CRYL1: variants seen among roughly 807,000 people sequenced by gnomAD.
CRYL1 encodes crystallin lambda 1.
CRYL1 carries 29 observed loss-of-function variants against 36.6 expected under a neutral mutation model. That is an observed-to-expected ratio of 0.79 (90% confidence interval 0.59 to 1.08). The LOEUF is 1.08. Ranked by LOEUF, CRYL1 falls within the 50% of genes least tolerant of loss-of-function variation. The pLI is 0.00. For missense variants in CRYL1, 411 were observed against 407.9 expected (o/e 1.01, Z -0.06); for synonymous variants, 152 against 151.5 (o/e 1.00, Z -0.02).
intron 3 of CRYL1, among the ~76,000 whole-genome samples, chr13:20,444,585 A>C (rs1486438856): frequency 6.6e-6 from 1 of 152,146 alleles, no homozygotes; most frequent in Non-Finnish European, 1.5e-5. Context: ...CGTTTGTGAA[A>C]TCATTTCTTT....
At chr13:20,496,626 C>T (rs1369329625) in intron 2 of CRYL1, among the ~76,000 whole-genome samples, 1 of 151,920 alleles carries the variant, frequency 6.6e-6, no homozygotes, top group Admixed American at 6.6e-5. Flanking sequence ...AAGCATAGAC[C>T]TGTGCCTGGT....
intron 2 of CRYL1, among the ~76,000 whole-genome samples, chr13:20,510,059 T>C (rs2033885636): frequency 6.6e-6 from 1 of 152,210 alleles, no homozygotes; most frequent in Non-Finnish European, 1.5e-5. Context: ...TCATTGTTGG[T>C]GGGAATGCAA....
intron 2 of CRYL1, among the ~76,000 whole-genome samples, chr13:20,508,887 A>AG (rs2033860243): frequency 8.7e-5 from 11 of 127,086 alleles, no homozygotes; most frequent in African/African-American, 3.1e-4. Context: ...AAAAAAAAAA[A>AG]ACTGACAACA....
intron 6 of CRYL1, among the ~76,000 whole-genome samples, chr13:20,410,669 G>C (rs7330723): frequency 0.74 from 113,229 of 152,158 alleles, 42,331 homozygotes; most frequent in Admixed American, 0.83. Flanking sequence ...GTACGTGAAA[G>C]AAACAAGACA....
intron 5 of CRYL1, chr13:20,418,723 G>A (rs1016776402): frequency 1.3e-5 from 2 of 152,074 alleles, no homozygotes; most frequent in Admixed American, 6.5e-5. Flanking sequence ...ACTTGGTCCT[G>A]AATTTTCACA....
chr13:20,515,792 T>C (rs917392188), intron 1 of CRYL1: 3 of 152,138 alleles, frequency 2.0e-5, no homozygotes, highest in African/African-American at 7.2e-5. Flanking sequence ...AATGAGCAGC[T>C]GTTGTTCAAT....
intron 4 of CRYL1, among the ~76,000 whole-genome samples, chr13:20,434,604 C>T (rs1347494486): frequency 2.2e-5 from 3 of 138,250 alleles, no homozygotes; most frequent in South Asian, 2.4e-4. Flanking sequence ...CACCCACACG[C>T]GCCCCCCCAC....
At chr13:20,479,096 TA>T (rs1245757873) in intron 3 of CRYL1, among the ~76,000 whole-genome samples, 1 of 152,098 alleles carries the variant, frequency 6.6e-6, no homozygotes, top group Non-Finnish European at 1.5e-5. Flanking sequence ...ATCTTTCTTT[TA>T]AATAGGGATT....
intron 3 of CRYL1, among the ~76,000 whole-genome samples, chr13:20,449,138 A>G (rs1002910575): frequency 2.4e-4 from 37 of 152,248 alleles, no homozygotes; most frequent in African/African-American, 8.7e-4. Flanking sequence ...ACTGCACTCC[A>G]GCTTGGGTGA....
rs1485797666 is a variant in CRYL1, at chr13:20,435,092, A to C, written c.439-2796T>G. 1.3e-5 allele frequency among the ~76,000 whole-genome samples: 2 copies of C among 152,156 alleles called. No homozygotes were observed. Among genetic ancestry groups the C allele is most frequent in the African/African-American group, 4.8e-5 (2 of 41,418 alleles). On this transcript the variant is annotated intron_variant, in intron 4 of 7. Coordinates refer to ENST00000298248, the MANE Select transcript of CRYL1 (RefSeq NM_015974.3). This position sits in a 1 kb window ranked among gnomAD's most constrained non-coding sequence, Gnocchi z 4.0. ...TGTGGAAAGTTAGTGTTTCATGGGTAGGAGGTTCAGTCTTATAAGAGGAGA... is the reference window on the plus strand; with the variant it reads ...TGTGGAAAGTTAGTGTTTCATGGGTCGGAGGTTCAGTCTTATAAGAGGAGA...
chr13:20,456,492 AAAAAG>A (rs1330504841), intron 3 of CRYL1, among the ~76,000 whole-genome samples: 2 of 151,354 alleles, frequency 1.3e-5, no homozygotes, highest in Non-Finnish European at 2.9e-5. Flanking sequence ...AAAAAAAAAA[AAAAAG>A]AAAAGAAAAG....
chr13:20,493,519 G>C (rs1421608917), intron 2 of CRYL1, among the ~76,000 whole-genome samples: 1 of 152,170 alleles, frequency 6.6e-6, no homozygotes, highest in African/African-American at 2.4e-5. Context: ...AATTAGCCAG[G>C]TGAGGCTGCA....
intron 3 of CRYL1, among the ~76,000 whole-genome samples, chr13:20,476,354 CAAA>C (rs34453641): frequency 7.1e-5 from 7 of 98,602 alleles, no homozygotes; most frequent in Admixed American, 3.2e-4. Flanking sequence ...AACTCCATCT[CAAA>C]AAAAAAAAAA....
chr13:20,466,510 C>T (rs1190359112), intron 3 of CRYL1, among the ~76,000 whole-genome samples: 4 of 152,152 alleles, frequency 2.6e-5, no homozygotes, highest in African/African-American at 9.7e-5. Context: ...TCCACACACA[C>T]GCACGCACAC....
chr13:20,448,296 C>T (rs2032498589), intron 3 of CRYL1, among the ~76,000 whole-genome samples: 1 of 152,090 alleles, frequency 6.6e-6, no homozygotes, highest in South Asian at 2.1e-4. Flanking sequence ...TCCAAGACTT[C>T]CAGTGAAAGT....
At chr13:20,447,376 C>A (rs1045052093) in intron 3 of CRYL1, among the ~76,000 whole-genome samples, 2 of 151,982 alleles carry the variant, frequency 1.3e-5, no homozygotes, top group African/African-American at 2.4e-5. Context: ...AAATAAAAAC[C>A]TTTATCCCTG....
chr13:20,516,918 T>A (rs921785932), intron 1 of CRYL1, among the ~76,000 whole-genome samples: 2 of 151,738 alleles, frequency 1.3e-5, no homozygotes, highest in Admixed American at 6.6e-5. Context: ...CAAAAAAAAA[T>A]TTTAAATTAG....
intron 2 of CRYL1, among the ~76,000 whole-genome samples, chr13:20,489,729 G>T (rs1455029366): frequency 6.6e-6 from 1 of 152,182 alleles, no homozygotes; most frequent in Non-Finnish European, 1.5e-5. Context: ...AACCGCTATG[G>T]AAAACAGATA....
chr13:20,506,429 C>T (rs2033796351), intron 2 of CRYL1, among the ~76,000 whole-genome samples: 1 of 152,042 alleles, frequency 6.6e-6, no homozygotes, highest in Non-Finnish European at 1.5e-5. Context: ...AAAAATCTTA[C>T]AGACTGTATC....
Sources: allele counts gnomAD v4.1 joint callset (sites outside exome capture counted in the v4.1 genomes callset), GRCh38; gene constraint gnomAD v4.1.1; non-coding constraint Gnocchi (gnomAD v3.1); transcripts MANE v1.5; gene names NCBI Gene and HGNC (gene_info 2026-07-23, HGNC 2026-07-21).